GALNTL6: variants seen among roughly 807,000 people sequenced by gnomAD.
GALNTL6 encodes polypeptide N-acetylgalactosaminyltransferase-like 6.
GALNTL6 carries 46 observed loss-of-function variants against 73.7 expected under a neutral mutation model. That is an observed-to-expected ratio of 0.62 (90% confidence interval 0.49 to 0.80). The LOEUF is 0.80. Ranked by LOEUF, GALNTL6 falls within the 30% of genes least tolerant of loss-of-function variation. The probability of loss-of-function intolerance (pLI) is 0.00; values close to 1 mark genes in which losing one functional copy is unlikely to be tolerated. For missense variants in GALNTL6, 604 were observed against 755.0 expected, an observed-to-expected ratio of 0.80 and a Z score of 2.34; for synonymous variants, 259 against 263.7, an observed-to-expected ratio of 0.98 and a Z score of 0.17.
intron 4 of GALNTL6, among the ~76,000 whole-genome samples, chr4:172,332,104 G>T (rs1741148160): frequency 6.6e-6 from 1 of 151,994 alleles, no homozygotes; most frequent in African/African-American, 2.4e-5. Flanking sequence ...TTTTCATTTG[G>T]ATTTTACTAA....
intron 5 of GALNTL6, among the ~76,000 whole-genome samples, chr4:172,579,161 G>A (rs1393488547): frequency 6.6e-6 from 1 of 152,138 alleles, no homozygotes; most frequent in African/African-American, 2.4e-5. Flanking sequence ...AGAATTCTAT[G>A]TTTGTCCACT....
chr4:173,035,180 CTTTTT>C (rs5864181), intron 12 of GALNTL6, among the ~76,000 whole-genome samples: 1 of 136,642 alleles, frequency 7.3e-6, no homozygotes. Context: ...GTGCCATGCT[CTTTTT>C]TTTTTTTTTT....
chr4:172,210,313 A>G (rs1273757355), intron 2 of GALNTL6, among the ~76,000 whole-genome samples: 2 of 152,058 alleles, frequency 1.3e-5, no homozygotes, highest in Non-Finnish European at 2.9e-5. Flanking sequence ...GTTCTCAACT[A>G]AAGTCTGTAG....
At chr4:172,637,620 C>T (rs1378418753) in intron 5 of GALNTL6, among the ~76,000 whole-genome samples, 1 of 152,126 alleles carries the variant, frequency 6.6e-6, no homozygotes, top group African/African-American at 2.4e-5. Flanking sequence ...TTACAAACAA[C>T]ACAATAAATT....
intron 9 of GALNTL6, among the ~76,000 whole-genome samples, chr4:172,946,800 T>C (rs887915537): frequency 6.6e-6 from 1 of 152,208 alleles, no homozygotes; most frequent in Non-Finnish European, 1.5e-5. Context: ...TAACATCTTG[T>C]ACACAGAAGA....
intron 2 of GALNTL6, among the ~76,000 whole-genome samples, chr4:172,148,002 G>T (rs1293815784): frequency 2.0e-5 from 3 of 151,922 alleles, no homozygotes; most frequent in African/African-American, 7.3e-5. Context: ...TATGTCTGTA[G>T]GCATACTTTT....
At chr4:171,857,356 A>G (rs1046086816) in intron 2 of GALNTL6, among the ~76,000 whole-genome samples, 2 of 152,286 alleles carry the variant, frequency 1.3e-5, no homozygotes, top group East Asian at 1.9e-4. Context: ...AGGGATTTTT[A>G]TAGAGCAAAT....
chr4:172,756,473 A>G (rs1579441605), intron 5 of GALNTL6, among the ~76,000 whole-genome samples: 2 of 152,016 alleles, frequency 1.3e-5, no homozygotes, highest in East Asian at 3.9e-4. Context: ...GTGAAACCTC[A>G]TCTCTACCAA....
intron 5 of GALNTL6, among the ~76,000 whole-genome samples, chr4:172,575,200 T>G (rs1736916229): frequency 6.6e-6 from 1 of 152,228 alleles, no homozygotes; most frequent in African/African-American, 2.4e-5. Context: ...GAAACAGCTT[T>G]GAAGTTGTAA....
chr4:171,913,362 C>T (rs956766520), intron 2 of GALNTL6, among the ~76,000 whole-genome samples: 10 of 152,140 alleles, frequency 6.6e-5, no homozygotes, highest in Non-Finnish European at 1.5e-5. Flanking sequence ...ATTTTCATAA[C>T]ATACTAAGTG....
At chr4:172,365,883 C>T (rs767248486) in intron 5 of GALNTL6, among the ~76,000 whole-genome samples, 6 of 151,862 alleles carry the variant, frequency 4.0e-5, no homozygotes, top group Non-Finnish European at 5.9e-5. Context: ...AATCAACTTC[C>T]ATTAAGATCT....
intron 2 of GALNTL6, among the ~76,000 whole-genome samples, chr4:172,104,190 G>A (rs1019323379): frequency 1.3e-5 from 2 of 152,078 alleles, no homozygotes; most frequent in Non-Finnish European, 2.9e-5. Context: ...TGATCCGCCC[G>A]CCTCGGCCTC....
Position 172,813,742 on chromosome 4 carries a change from A to T in GALNTL6, c.923+19A>T, listed in dbSNP as rs1173527680. On this transcript the variant is annotated intron_variant, in intron 7 of 12. Coordinates refer to ENST00000506823, the MANE Select transcript of GALNTL6 (RefSeq NM_001034845.3). ...CTTTTGAGTGAGTAGCAGCCAAGGG[A>T]GGGGCCGAGGGGGTGAGGGCAGGTA... 1 of 1,576,404 alleles carries T rather than the reference A, an allele frequency of 6.3e-7. No homozygotes were observed. The highest frequency in any genetic ancestry group is 2.3e-5 in the East Asian group (1 of 43,996).
At chr4:171,904,854 A>G (rs1467152154) in intron 2 of GALNTL6, among the ~76,000 whole-genome samples, 1 of 152,198 alleles carries the variant, frequency 6.6e-6, no homozygotes, top group Non-Finnish European at 1.5e-5. Flanking sequence ...ATTCTTAAAT[A>G]AAAGAATTTT....
At chr4:172,566,098 G>A (rs1011870971) in intron 5 of GALNTL6, among the ~76,000 whole-genome samples, 2 of 152,138 alleles carry the variant, frequency 1.3e-5, no homozygotes, top group African/African-American at 4.8e-5. Context: ...CTGATGGTAA[G>A]AGACTTAATT....
At chr4:172,019,406 C>G (rs1741327907) in intron 2 of GALNTL6, among the ~76,000 whole-genome samples, 1 of 151,972 alleles carries the variant, frequency 6.6e-6, no homozygotes, top group African/African-American at 2.4e-5. Context: ...ACCCAATAAT[C>G]TGTTGCCTAT....
chr4:172,973,960 G>A (rs557243353), intron 10 of GALNTL6, among the ~76,000 whole-genome samples: 1 of 152,310 alleles, frequency 6.6e-6, no homozygotes, highest in Admixed American at 6.5e-5. Context: ...AAAGCTCAAT[G>A]ATTGGCTCAT....
intron 3 of GALNTL6, among the ~76,000 whole-genome samples, chr4:172,259,955 C>T (rs975292645): frequency 2.0e-5 from 3 of 151,550 alleles, no homozygotes; most frequent in Non-Finnish European, 4.4e-5. Context: ...TTATTATGTT[C>T]CATTAGTCCA....
intron 10 of GALNTL6, among the ~76,000 whole-genome samples, chr4:172,959,778 G>T (rs1420724771): frequency 2.0e-5 from 3 of 152,198 alleles, no homozygotes; most frequent in African/African-American, 7.2e-5. Flanking sequence ...GGCTTAGGAG[G>T]AATCCTGGGC....
Sources: allele counts gnomAD v4.1 joint callset (sites outside exome capture counted in the v4.1 genomes callset), GRCh38; gene constraint gnomAD v4.1.1; transcripts MANE v1.5; gene names NCBI Gene and HGNC (gene_info 2026-07-23, HGNC 2026-07-21).